The following GPR83 variants were observed in gnomAD, a reference collection of about 807,000 sequenced individuals.
GPR83 encodes the protein G protein-coupled receptor 83.
Under a neutral mutation model 28.0 loss-of-function variants are expected in GPR83, and 23 were observed. The ratio of observed to expected loss-of-function variants is 0.82; its 90% CI spans 0.59 to 1.16. The LOEUF (loss-of-function observed/expected upper bound fraction) is 1.16. GPR83 is among the 50% of genes most tolerant of loss of function. The pLI is 0.00. For synonymous variants in GPR83, 234 were observed against 215.4 expected, an observed-to-expected ratio of 1.09 and a Z score of -0.76; for missense variants, 610 against 536.6, an observed-to-expected ratio of 1.14 and a Z score of -1.35.
chr11:94,385,339 C>G (rs1261185107), intron 3 of GPR83, among the ~76,000 whole-genome samples: 3 of 152,192 alleles, frequency 2.0e-5, no homozygotes, highest in East Asian at 1.9e-4. Context: ...TGGAAAAAAG[C>G]TGGACGGAGA....
At chr11:94,396,362 G>A (rs369060627) in intron 2 of GPR83, 37 bp downstream of exon 2, 1 of 1,598,430 alleles carries the variant, frequency 6.3e-7, no homozygotes, top group Non-Finnish European at 8.6e-7. Context: ...GGAAGCAAGA[G>A]AGGGAAGAGC....
rs781233728 is a variant in GPR83 at position 94,380,495 on chromosome 11, T to C, written c.926A>G (p.Asn309Ser). ...GCTGGACAGGAGGAGGACGTAGCAG[T>C]TGAGGGGGAACCAGCAGAGGGCAAA... Reference protein sequence around the residue: ...VLFALCWFPLNCYVLLLSSKV... With the variant: ...VLFALCWFPLSCYVLLLSSKV... Residue 309 changes from asparagine (N) to serine (S), a missense_variant, in exon 4 of 4, where the codon AAC becomes AGC. Physicochemically the swap from Asn to Ser is conservative, Grantham distance 46. Transcript: ENST00000243673. The C allele has an allele frequency of 1.9e-6, 3 of 1,613,794 alleles. No individual in the cohort carries two copies. The highest frequency in any genetic ancestry group is 8.5e-7 in the Non-Finnish European group (1 of 1,179,962).
At chr11:94,383,713 C>T (rs1287901420) in intron 3 of GPR83, among the ~76,000 whole-genome samples, 1 of 152,178 alleles carries the variant, frequency 6.6e-6, no homozygotes, top group Non-Finnish European at 1.5e-5. Context: ...CACCTTTACA[C>T]AAATAAACTA....
chr11:94,393,594 G>A lies in GPR83; in HGVS notation c.538C>T (p.Arg180Trp), dbSNP rs200401802. Residue 180 changes from arginine to tryptophan, a missense_variant, in exon 3 of 4, where the codon CGG becomes TGG. Arg to Trp is a moderately radical substitution (Grantham distance 101, BLOSUM62 -3). Transcript: ENST00000243673. ...ATGACACCCTTTGTGATTGAGATCC[G>A]GGGTTTCAAGGGGTGCATGATGACC... Reference protein sequence around the residue: ...HQVIMHPLKPRISITKGVIYI... With the variant: ...HQVIMHPLKPWISITKGVIYI... The A allele has an allele frequency of 9.3e-6, 15 of 1,613,716 alleles. No individual in the cohort carries two copies. Among genetic ancestry groups the A allele is most frequent in the African/African-American group, 1.3e-5 (1 of 74,898 alleles).
chr11:94,394,497 G>A (rs79624105), intron 2 of GPR83, among the ~76,000 whole-genome samples: 84 of 152,320 alleles, frequency 5.5e-4, no homozygotes, highest in Non-Finnish European at 1.1e-3. Context: ...ATTTTCAGAT[G>A]AGAAACATTA....
At chr11:94,393,301 A>G (rs987565026) in intron 3 of GPR83, among the ~76,000 whole-genome samples, 184 bp downstream of exon 3, 2 of 152,162 alleles carry the variant, frequency 1.3e-5, no homozygotes, top group African/African-American at 4.8e-5. Context: ...AAGCAGACAA[A>G]ATGTAGAGGA....
intron 3 of GPR83, among the ~76,000 whole-genome samples, chr11:94,382,118 C>T (rs546882059): frequency 2.0e-5 from 3 of 152,130 alleles, no homozygotes; most frequent in South Asian, 2.1e-4. Flanking sequence ...TTTGTGAGGC[C>T]GAGATGGGCG....
chr11:94,393,377 A>G (rs1325691934), intron 3 of GPR83, 108 bp downstream of exon 3: 1 of 928,758 alleles, frequency 1.1e-6, no homozygotes, highest in East Asian at 2.4e-5. Flanking sequence ...GACAGGTACT[A>G]GTTACTCAGA....
In GPR83 at chr11:94,380,408, G is replaced by C. The variant is rs1287721999; in HGVS notation, c.1013C>G (p.Thr338Ser). The part of the protein sequence containing the change: ...FAFHWFAMSS[T>S]CYNPFIYCWL... ...GCAGTATATGAAGGGGTTATAGCAGGTGCTGCTCATGGCAAACCAGTGGAA... is the reference window on the plus strand; with the variant it reads ...GCAGTATATGAAGGGGTTATAGCAGCTGCTGCTCATGGCAAACCAGTGGAA... Residue 338 changes from threonine to serine, a missense_variant, in exon 4 of 4, where the codon ACC becomes AGC. Transcript: ENST00000243673. The C allele has an allele frequency of 6.2e-7, 1 of 1,614,092 alleles. No individual in the cohort carries two copies. The highest frequency in any genetic ancestry group is 2.2e-5 in the East Asian group (1 of 44,900).
chr11:94,386,438 T>C (rs908772571), intron 3 of GPR83, among the ~76,000 whole-genome samples: 2 of 152,178 alleles, frequency 1.3e-5, no homozygotes, highest in Non-Finnish European at 2.9e-5. Context: ...ATCAGTGTGC[T>C]GTATTCAGGA....
intron 1 of GPR83, among the ~76,000 whole-genome samples, chr11:94,397,305 C>T (rs746460993): frequency 3.3e-5 from 5 of 152,182 alleles, no homozygotes; most frequent in Non-Finnish European, 5.9e-5. Flanking sequence ...CTGTGAGTAA[C>T]GTCCCATGCC....
intron 2 of GPR83, among the ~76,000 whole-genome samples, chr11:94,395,105 T>C (rs1944853700): frequency 6.6e-6 from 1 of 152,196 alleles, no homozygotes; most frequent in African/African-American, 2.4e-5. Context: ...ATTTCAGAGA[T>C]AAAGAGATCT....
chr11:94,385,011 C>T (rs1460517651), intron 3 of GPR83, among the ~76,000 whole-genome samples: 2 of 152,202 alleles, frequency 1.3e-5, no homozygotes, highest in Admixed American at 1.3e-4. Flanking sequence ...TCCAGAGGAA[C>T]TGATCAGGCA....
chr11:94,383,146 G>A (rs575770783), intron 3 of GPR83, among the ~76,000 whole-genome samples: 100 of 148,568 alleles, frequency 6.7e-4, no homozygotes, highest in Non-Finnish European at 9.2e-4. Flanking sequence ...GTGAGACTCC[G>A]TCTCAAACAA....
In GPR83 at chr11:94,396,379, T is replaced by G; in HGVS notation, c.513+20A>C. The G allele has an allele frequency of 6.2e-7, 1 of 1,611,950 alleles. No homozygotes were observed. Among genetic ancestry groups the G allele is most frequent in the Non-Finnish European group, 8.5e-7 (1 of 1,178,658 alleles). ...AAGCAAGAGAGGGAAGAGCAGAGCA[T>G]TAGGGGTAGGTGCCCTCACCTGGTG... On this transcript the variant is annotated intron_variant, in intron 2 of 3. Transcript: ENST00000243673.
Position 94,387,082 on chromosome 11 carries a change from G to A in GPR83, c.648-6309C>T, listed in dbSNP as rs1000340762. On this transcript the variant is annotated intron_variant, in intron 3 of 3. Coordinates refer to ENST00000243673, the MANE Select transcript of GPR83 (RefSeq NM_016540.4). ...CAACCTGCTCCTGAATGACTACTGG[G>A]TACATAATGAAATGAAGGCAGAAAT... 1.9e-4 allele frequency among the ~76,000 whole-genome samples: 29 copies of A among 152,260 alleles called. 1 individual carries two copies. Among genetic ancestry groups the A allele is most frequent in the Non-Finnish European group, 2.9e-5 (2 of 68,028 alleles).
At position 94,393,577 on chromosome 11, in the gene GPR83, C is replaced by A. The variant is rs746152073; in HGVS notation, c.555G>T (p.Lys185Asn). The stretch of plus-strand genomic sequence containing the variant: ...AGATGACAGCGATGTAGATGACACC[C>A]TTTGTGATTGAGATCCGGGGTTTCA... ...HPLKPRISIT[K>N]GVIYIAVIWT... Residue 185 changes from lysine to asparagine, a missense_variant, in exon 3 of 4, where the codon AAG becomes AAT. Lys to Asn is a moderately conservative substitution (Grantham distance 94, BLOSUM62 0). Coordinates refer to ENST00000243673, the MANE Select transcript of GPR83 (RefSeq NM_016540.4). 4 of 1,613,914 alleles carry A rather than the reference C, an allele frequency of 2.5e-6. No individual in the cohort carries two copies. The Admixed American group carries it at 5.0e-5, about 20-fold the overall frequency.
intron 3 of GPR83, among the ~76,000 whole-genome samples, chr11:94,386,525 C>T (rs1306119924): frequency 6.6e-6 from 1 of 151,738 alleles, no homozygotes; most frequent in African/African-American, 2.4e-5. Context: ...AAATGGAAAA[C>T]AAAAAAACGC....
intron 3 of GPR83, among the ~76,000 whole-genome samples, chr11:94,385,613 A>C (rs1944746213): frequency 6.6e-6 from 1 of 152,226 alleles, no homozygotes; most frequent in African/African-American, 2.4e-5. Context: ...GGAAGATCAA[A>C]TGAATGAAAT....
Sources: allele counts gnomAD v4.1 joint callset (sites outside exome capture counted in the v4.1 genomes callset), GRCh38; gene constraint gnomAD v4.1.1; transcripts MANE v1.5; gene names NCBI Gene and HGNC (gene_info 2026-07-23, HGNC 2026-07-21).